DNAH12: variants seen among roughly 807,000 people sequenced by gnomAD.
The protein encoded by DNAH12 is axonemal beta dynein heavy chain 12.
DNAH12 carries 285 observed loss-of-function variants against 371.5 expected under a neutral mutation model. That is an observed-to-expected ratio of 0.77 (90% confidence interval 0.70 to 0.85). The LOEUF (loss-of-function observed/expected upper bound fraction) is 0.85. DNAH12 is among the 40% of genes least tolerant of loss of function. The pLI is 0.00. For synonymous variants in DNAH12, 1,200 were observed against 1,213.0 expected, an observed-to-expected ratio of 0.99 and a Z score of 0.22; for missense variants, 3,611 against 3,689.4, an observed-to-expected ratio of 0.98 and a Z score of 0.55.
chr3:57,339,933 T>C (rs2062351879), intron 60 of DNAH12, among the ~76,000 whole-genome samples: 1 of 152,096 alleles, frequency 6.6e-6, no homozygotes, highest in Admixed American at 6.6e-5. Flanking sequence ...TAGCCAAGTG[T>C]GGTGGCATAT....
intron 13 of DNAH12, among the ~76,000 whole-genome samples, chr3:57,477,065 C>T (rs983059263): frequency 2.6e-5 from 4 of 152,008 alleles, no homozygotes; most frequent in Admixed American, 1.3e-4. Flanking sequence ...CGGGGAGTGT[C>T]GGAAAGTAGG....
At chr3:57,516,516 C>T (rs867387934) in intron 4 of DNAH12, among the ~76,000 whole-genome samples, 2 of 152,280 alleles carry the variant, frequency 1.3e-5, no homozygotes, top group Non-Finnish European at 1.5e-5. Flanking sequence ...TCGCCAATTA[C>T]CCTGCAAAAT....
rs1383175814 is a variant in DNAH12, at chr3:57,428,549, T to G, written c.5253+84A>C. On this transcript the variant is annotated intron_variant, in intron 34 of 73. Coordinates refer to ENST00000495027, the MANE Select transcript of DNAH12 (RefSeq NM_001366028.2). The stretch of plus-strand genomic sequence containing the variant: ...AGGACAAACTGGTTTTAGTTATTCA[T>G]TCTACCAACCACTGTGACTTTAGAC... The G allele has an allele frequency of 4.0e-6, 6 of 1,514,394 alleles. No homozygotes were observed. In the Admixed American group the frequency reaches 1.5e-4, roughly 38 times the overall value. 93.8% of individuals were successfully genotyped at this position (1,514,394 alleles called of 1,614,324 possible).
At chr3:57,550,406 G>A in the DNAH12 span, among the ~76,000 whole-genome samples, 1 of 152,078 alleles carries the variant, frequency 6.6e-6, no homozygotes, top group Non-Finnish European at 1.5e-5. Flanking sequence ...AGTCAACTTT[G>A]ACCACATAAG....
chr3:57,500,163 C>CT (rs574074248), intron 11 of DNAH12, among the ~76,000 whole-genome samples: 2 of 151,918 alleles, frequency 1.3e-5, no homozygotes, highest in South Asian at 4.2e-4. Context: ...CCTCAGCCCC[C>CT]CCTAGTAGCT....
chr3:57,302,552 TATATATA>T lies in DNAH12; in HGVS notation c.11190-620_11190-614del, dbSNP rs1559535299. ...GTGTATATATATATATATATATATATATATATATATATGTATTTTTTTTTTTTTTTTT... is the reference window on the plus strand; with the variant it reads ...GTGTATATATATATATATATATATATTATATGTATTTTTTTTTTTTTTTTT... On this transcript the variant is annotated intron_variant, in intron 69 of 73. Coordinates refer to ENST00000495027, the MANE Select transcript of DNAH12 (RefSeq NM_001366028.2). Among the ~76,000 whole-genome samples the T allele has an allele frequency of 8.7e-4, 85 of 97,788 alleles. 3 individuals carry two copies. Among genetic ancestry groups the T allele is most frequent in the East Asian group, 1.5e-3 (2 of 1,362 alleles). 64.2% of individuals were successfully genotyped at this position (97,788 alleles called of 152,430 possible).
intron 19 of DNAH12, among the ~76,000 whole-genome samples, chr3:57,460,749 T>C (rs1212639377): frequency 6.6e-6 from 1 of 152,198 alleles, no homozygotes; most frequent in African/African-American, 2.4e-5. Flanking sequence ...AAAACCAAAC[T>C]GCCTTGGTTT....
intron 45 of DNAH12, among the ~76,000 whole-genome samples, chr3:57,389,798 A>ATATG (rs2063571759): frequency 1.1e-5 from 1 of 92,562 alleles, no homozygotes; most frequent in Non-Finnish European, 2.4e-5. Flanking sequence ...ATATACACAT[A>ATATG]TGTGTGTGTG....
chr3:57,417,336 G>A (rs933872334), intron 37 of DNAH12, among the ~76,000 whole-genome samples: 5 of 152,130 alleles, frequency 3.3e-5, no homozygotes, highest in African/African-American at 1.2e-4. Flanking sequence ...TCATCTAAGT[G>A]AGCCAAACTA....
intron 43 of DNAH12, among the ~76,000 whole-genome samples, chr3:57,401,039 T>C (rs1323774354): frequency 1.3e-5 from 2 of 152,062 alleles, no homozygotes; most frequent in African/African-American, 4.8e-5. Flanking sequence ...GGTACAAAAC[T>C]AGAAATCAAT....
intron 35 of DNAH12, 69 bp downstream of exon 35, chr3:57,424,953 A>C (rs747017111): frequency 7.7e-6 from 5 of 646,612 alleles, no homozygotes; most frequent in Non-Finnish European, 1.1e-5. Context: ...TGTCTTTCTC[A>C]ATATAAACAT....
At chr3:57,369,140 A>C (rs992909430) in intron 55 of DNAH12, among the ~76,000 whole-genome samples, 1 of 150,940 alleles carries the variant, frequency 6.6e-6, no homozygotes, top group Non-Finnish European at 1.5e-5. Flanking sequence ...GAATCGCTTA[A>C]ACCCGGGAGG....
intron 68 of DNAH12, 108 bp downstream of exon 68, chr3:57,309,558 C>T: frequency 8.9e-7 from 1 of 1,124,302 alleles, no homozygotes; most frequent in Non-Finnish European, 1.2e-6. Context: ...CTTAGAGAGG[C>T]AAAGTTCTTG....
intron 32 of DNAH12, 29 bp downstream of exon 32, chr3:57,433,338 A>AATCTGC (rs1206456512): frequency 6.5e-7 from 1 of 1,538,594 alleles, no homozygotes; most frequent in South Asian, 1.2e-5. Context: ...ATCATGGCTG[A>AATCTGC]ATCTGCTTCT....
At chr3:57,426,096 A>AAC (rs1266072431) in intron 34 of DNAH12, among the ~76,000 whole-genome samples, 2 of 152,110 alleles carry the variant, frequency 1.3e-5, no homozygotes, top group Non-Finnish European at 2.9e-5. Context: ...TTGCCAGGTG[A>AAC]ACAAGGGAAG....
intron 2 of DNAH12, among the ~76,000 whole-genome samples, chr3:57,527,267 C>A (rs2068680353): frequency 6.6e-6 from 1 of 152,048 alleles, no homozygotes; most frequent in Admixed American, 6.6e-5. Flanking sequence ...GAGGCCATGG[C>A]AGGAGGATTG....
intron 2 of DNAH12, among the ~76,000 whole-genome samples, chr3:57,524,298 G>A (rs1268806868): frequency 2.6e-5 from 4 of 151,992 alleles, no homozygotes; most frequent in South Asian, 2.1e-4. Flanking sequence ...ACTTACCATC[G>A]TTTGATATAG....
chr3:57,451,588 A>G (rs2065756211), intron 25 of DNAH12, among the ~76,000 whole-genome samples: 1 of 152,242 alleles, frequency 6.6e-6, no homozygotes. Flanking sequence ...GCAGTGAGCC[A>G]TGATGGCGCC....
chr3:57,478,988 C>T (rs1175638183), intron 13 of DNAH12, among the ~76,000 whole-genome samples: 1 of 152,160 alleles, frequency 6.6e-6, no homozygotes, highest in African/African-American at 2.4e-5. Flanking sequence ...TTGTAAAGAC[C>T]ATCGAGGCTA....
Sources: gnomAD v4.1 joint callset for allele counts (sites outside exome capture counted in the v4.1 genomes callset) on GRCh38, gnomAD v4.1.1 for gene constraint, MANE v1.5 for transcripts, NCBI Gene and HGNC (gene_info 2026-07-23, HGNC 2026-07-21) for gene names.